Variants in FARP2 observed in about 807,000 individuals in gnomAD.
FARP2 encodes FERM, ARH/RhoGEF and pleckstrin domain protein 2, also known as FERM, ARHGEF and pleckstrin domain-containing protein 2.
A neutral mutation model predicts 130.5 loss-of-function variants in FARP2; 111 were observed. That is an observed-to-expected ratio of 0.85 (90% CI 0.73 to 1.00). The LOEUF (loss-of-function observed/expected upper bound fraction) is 1.00, where lower values mean the gene tolerates loss of function less well. FARP2 is among the 50% of genes least tolerant of loss of function. The pLI is 0.00. For missense variants in FARP2, 1,385 were observed against 1,346.3 expected (o/e 1.03, Z -0.45); for synonymous variants, 504 against 516.9 (o/e 0.98, Z 0.34).
rs201073477 is a variant in FARP2 at position 241,463,908 on chromosome 2, C to G, written c.1821C>G (p.Pro607=). 6.2e-7 allele frequency: 1 copy of G among 1,613,834 alleles called. No homozygotes were observed. The highest frequency in any genetic ancestry group is 8.5e-7 in the Non-Finnish European group (1 of 1,179,804). The change falls in exon 17 of 27, where the codon CCC becomes CCG. Residue 607 remains proline (P), a synonymous_variant. Coordinates refer to ENST00000264042, the MANE Select transcript of FARP2 (RefSeq NM_014808.4). ...GTTTCTTTTTACTCAGGGAAGGGCCCTCCAAAGCCCACACAAAAGGCAGTC... is the reference window on the plus strand; with the variant it reads ...GTTTCTTTTTACTCAGGGAAGGGCCGTCCAAAGCCCACACAAAAGGCAGTC... The part of the protein sequence containing the change: ...VEQRLALWEG[P]SKAHTKGSHQ...
At chr2:241,463,577 T>C (rs1027611469) in intron 16 of FARP2, 109 bp downstream of exon 16, 5 of 1,304,762 alleles carry the variant, frequency 3.8e-6, no homozygotes, top group Non-Finnish European at 5.3e-6. Context: ...ATTTTTTCAC[T>C]GGAGCATATT....
chr2:241,391,377 T>C (rs908725293), intron 2 of FARP2, among the ~76,000 whole-genome samples: 5 of 152,204 alleles, frequency 3.3e-5, no homozygotes, highest in Admixed American at 6.5e-5. Context: ...GGGGCCTCCT[T>C]CACCTTGGGG....
rs2064095396 is a variant in FARP2 at position 241,463,904 on chromosome 2, G to A, written c.1817G>A (p.Gly606Glu). 6.2e-7 allele frequency: 1 copy of A among 1,613,694 alleles called. No homozygotes were observed. The highest frequency in any genetic ancestry group is 1.1e-5 in the South Asian group (1 of 91,044). Reference protein sequence around the residue: ...EVEQRLALWEGPSKAHTKGSH... With the variant: ...EVEQRLALWEEPSKAHTKGSH... ...CTTTGTTTCTTTTTACTCAGGGAAG[G>A]GCCCTCCAAAGCCCACACAAAAGGC... Residue 606 changes from glycine to glutamate, a missense_variant, in exon 17 of 27, where the codon GGG becomes GAG. By Grantham distance (98) the Gly-to-Glu change is moderately conservative. Transcript: ENST00000264042.
intron 6 of FARP2, among the ~76,000 whole-genome samples, chr2:241,412,864 C>T (rs1228383979): frequency 2.6e-5 from 4 of 152,188 alleles, no homozygotes; most frequent in African/African-American, 4.8e-5. Flanking sequence ...CTTATCTCTA[C>T]AAAAAATACA....
At chr2:241,409,901 T>C (rs1465995378) in intron 5 of FARP2, among the ~76,000 whole-genome samples, 2 of 152,322 alleles carry the variant, frequency 1.3e-5, no homozygotes, top group South Asian at 4.1e-4. Context: ...TCACATACCT[T>C]TGTGAACTAT....
At chr2:241,493,098 T>A (rs1310947134) in intron 25 of FARP2, 62 bp downstream of exon 25, 1 of 1,137,058 alleles carries the variant, frequency 8.8e-7, no homozygotes, top group African/African-American at 1.5e-5. Flanking sequence ...TTAACCCTGC[T>A]CACCTGTGTC....
chr2:241,357,432 A>G (rs1346458741), intron 1 of FARP2, among the ~76,000 whole-genome samples: 2 of 152,174 alleles, frequency 1.3e-5, no homozygotes, highest in Admixed American at 1.3e-4. Flanking sequence ...TAGGCCAAAT[A>G]TAATTTAAAT....
rs544294213 is a variant in FARP2 at position 241,437,757 on chromosome 2, C to T, written c.1158+1219C>T. Among the ~76,000 whole-genome samples the T allele has an allele frequency of 1.3e-4, 20 of 151,762 alleles. No individual in the cohort carries two copies. In the East Asian group the frequency reaches 3.3e-3, roughly 25 times the overall value. ...TCGGCTCACTGCAAGCTCCACCTCC[C>T]GTGTTCACACCATTCACCTGCCTCA... On this transcript the variant is annotated intron_variant, in intron 12 of 26. Transcript: ENST00000264042.
intron 8 of FARP2, among the ~76,000 whole-genome samples, chr2:241,431,447 G>C (rs1382475761): frequency 6.6e-6 from 1 of 152,060 alleles, no homozygotes; most frequent in East Asian, 1.9e-4. Context: ...CTGCACTCTA[G>C]CCTGGGCAAC....
At chr2:241,408,940 C>T (rs191726031) in intron 5 of FARP2, among the ~76,000 whole-genome samples, 42 of 151,790 alleles carry the variant, frequency 2.8e-4, no homozygotes, top group Admixed American at 9.9e-4. Flanking sequence ...TTATGAGTGA[C>T]CATAGATCTT....
Position 241,417,414 on chromosome 2 carries a change from C to T in FARP2, c.624-548C>T, listed in dbSNP as rs151108641. Among the ~76,000 whole-genome samples, 705 of 152,210 alleles carry T rather than the reference C, an allele frequency of 4.6e-3. 3 individuals are homozygous for T. The highest frequency in any genetic ancestry group is 0.016 in the African/African-American group (675 of 41,520). On this transcript the variant is annotated intron_variant, in intron 7 of 26. Coordinates refer to ENST00000264042, the MANE Select transcript of FARP2 (RefSeq NM_014808.4). Reference sequence around the variant, plus strand: ...GTATTATTATTGTTAGAGATGGAGTCTCGCTCTGTCACCCAGGCTGAAGTG... The same window carrying T: ...GTATTATTATTGTTAGAGATGGAGTTTCGCTCTGTCACCCAGGCTGAAGTG...
intron 4 of FARP2, among the ~76,000 whole-genome samples, chr2:241,406,627 T>TG (rs534840095): frequency 0.01 from 1,413 of 140,826 alleles, 32 homozygotes; most frequent in African/African-American, 0.036. Context: ...GGGGTTTTTT[T>TG]GGGGGGGAGA....
At chr2:241,455,440 G>A (rs896761435) in intron 13 of FARP2, among the ~76,000 whole-genome samples, 1 of 152,168 alleles carries the variant, frequency 6.6e-6, no homozygotes, top group Non-Finnish European at 1.5e-5. Flanking sequence ...GAGGGCAATG[G>A]TACAACCTCA....
chr2:241,377,760 A>G (rs896100680), intron 2 of FARP2, among the ~76,000 whole-genome samples: 3 of 151,866 alleles, frequency 2.0e-5, no homozygotes, highest in Non-Finnish European at 2.9e-5. Context: ...TCATTGTACT[A>G]TTACTTTTTA....
intron 13 of FARP2, among the ~76,000 whole-genome samples, chr2:241,447,340 G>A (rs2063535348): frequency 6.6e-6 from 1 of 152,126 alleles, no homozygotes; most frequent in Non-Finnish European, 1.5e-5. Flanking sequence ...TTTTAATATG[G>A]GTGATGATGT....
intron 19 of FARP2, chr2:241,479,127 T>G: frequency 2.3e-6 from 1 of 426,692 alleles, no homozygotes; most frequent in East Asian, 4.1e-5. Flanking sequence ...TGTGAATCCT[T>G]TTGTGCTTCT....
intron 13 of FARP2, among the ~76,000 whole-genome samples, chr2:241,452,162 T>G (rs1217465983): frequency 1.3e-5 from 2 of 152,248 alleles, no homozygotes; most frequent in East Asian, 3.8e-4. Flanking sequence ...AATTCAAAAT[T>G]GCAGAGCCTA....
intron 21 of FARP2, among the ~76,000 whole-genome samples, chr2:241,486,110 C>T (rs866546958): frequency 6.6e-6 from 1 of 152,100 alleles, no homozygotes; most frequent in Non-Finnish European, 1.5e-5. Flanking sequence ...AAAAATTACA[C>T]CTTTATTATA....
intron 2 of FARP2, among the ~76,000 whole-genome samples, chr2:241,388,967 T>G (rs2061848277): frequency 6.6e-6 from 1 of 152,040 alleles, no homozygotes; most frequent in Non-Finnish European, 1.5e-5. Context: ...CCCTCACGAG[T>G]GGGATTAGTG....
Sources: allele counts gnomAD v4.1 joint callset (sites outside exome capture counted in the v4.1 genomes callset), GRCh38; gene constraint gnomAD v4.1.1; transcripts MANE v1.5; gene names NCBI Gene and HGNC (gene_info 2026-07-23, HGNC 2026-07-21).